CSMD1: variants seen among roughly 807,000 people sequenced by gnomAD.
The protein encoded by CSMD1 is CUB and Sushi multiple domains 1.
Under a neutral mutation model 417.5 loss-of-function variants are expected in CSMD1, and 213 were observed. That is an observed-to-expected ratio of 0.51 (90% CI 0.46 to 0.57). The LOEUF is 0.57. Ranked by LOEUF, CSMD1 falls within the 20% of genes least tolerant of loss-of-function variation. CSMD1 has a pLI of 0.00. For synonymous variants in CSMD1, 2,862 were observed against 1,736.8 expected, an observed-to-expected ratio of 1.65 and a Z score of -16.11; for missense variants, 6,923 against 4,529.7, an observed-to-expected ratio of 1.53 and a Z score of -15.17.
At chr8:3,311,927 T>G (rs1805383035) in intron 23 of CSMD1, among the ~76,000 whole-genome samples, 1 of 152,206 alleles carries the variant, frequency 6.6e-6, no homozygotes, top group African/African-American at 2.4e-5. Context: ...ATCCAGAATA[T>G]GCCTCTATGT....
intron 3 of CSMD1, among the ~76,000 whole-genome samples, chr8:4,168,869 G>C (rs565841753): frequency 6.6e-5 from 10 of 151,982 alleles, no homozygotes; most frequent in African/African-American, 2.4e-4. Flanking sequence ...CTTTAGACAC[G>C]GTGACTGATG....
chr8:2,985,311 G>C (rs144092703), intron 54 of CSMD1, among the ~76,000 whole-genome samples: 1 of 150,850 alleles, frequency 6.6e-6, no homozygotes. Flanking sequence ...ATTTCCACAT[G>C]TAAGTGAGGG....
chr8:4,727,407 C>G (rs1809532124), intron 1 of CSMD1, among the ~76,000 whole-genome samples: 5 of 152,140 alleles, frequency 3.3e-5, no homozygotes, highest in Admixed American at 2.0e-4. Context: ...TCCATAAGTG[C>G]ACTACCCATA....
Position 4,265,922 on chromosome 8 carries a change from T to C in CSMD1, c.415+154031A>G, listed in dbSNP as rs1307775095. On this transcript the variant is annotated intron_variant, in intron 3 of 69. Coordinates refer to ENST00000635120, the MANE Select transcript of CSMD1 (RefSeq NM_033225.6). The stretch of plus-strand genomic sequence containing the variant: ...CCAAAATAAAATGTGAAGAAATAGA[T>C]TTCCCCCCATTGCCCAGGAGACGGG... Among the ~76,000 whole-genome samples the C allele has an allele frequency of 2.4e-4, 25 of 104,022 alleles. 3 individuals carry two copies. The highest frequency in any genetic ancestry group is 6.3e-4 in the African/African-American group (24 of 38,164). 68.2% of individuals were successfully genotyped at this position (104,022 alleles called of 152,430 possible).
intron 11 of CSMD1, among the ~76,000 whole-genome samples, chr8:3,473,895 T>G (rs1585217125): frequency 6.6e-6 from 1 of 151,760 alleles, no homozygotes; most frequent in Admixed American, 6.6e-5. Context: ...TGGTAGAGGG[T>G]GAAAGGGAAG....
chr8:4,814,881 C>T (rs973876111), intron 1 of CSMD1, among the ~76,000 whole-genome samples: 3 of 152,120 alleles, frequency 2.0e-5, no homozygotes, highest in Admixed American at 2.0e-4. Context: ...TCATATTTCA[C>T]TGATAAAAAC....
At chr8:4,238,333 G>A (rs1311684193) in intron 3 of CSMD1, among the ~76,000 whole-genome samples, 1 of 152,198 alleles carries the variant, frequency 6.6e-6, no homozygotes, top group South Asian at 2.1e-4. Context: ...ATGTGCGCGA[G>A]GGTGGTCCTC....
intron 5 of CSMD1, among the ~76,000 whole-genome samples, chr8:3,995,545 G>C (rs1237898171): frequency 1.3e-5 from 2 of 152,200 alleles, no homozygotes; most frequent in African/African-American, 4.8e-5. Flanking sequence ...TGACTGAGGG[G>C]CTATACATAG....
intron 1 of CSMD1, among the ~76,000 whole-genome samples, chr8:4,944,020 A>G (rs78527809): frequency 2.1e-3 from 319 of 152,284 alleles, no homozygotes; most frequent in African/African-American, 7.2e-3. Flanking sequence ...AAGACTTGGG[A>G]ATCAAAATAA....
At chr8:4,213,952 A>T (rs770040015) in intron 3 of CSMD1, among the ~76,000 whole-genome samples, 3 of 152,242 alleles carry the variant, frequency 2.0e-5, no homozygotes, top group Non-Finnish European at 4.4e-5. Flanking sequence ...CTATGTAACC[A>T]CAGTGCATTT....
At chr8:4,892,689 T>C (rs995644691) in intron 1 of CSMD1, among the ~76,000 whole-genome samples, 3 of 152,088 alleles carry the variant, frequency 2.0e-5, no homozygotes, top group Non-Finnish European at 4.4e-5. Context: ...ATTCATATAG[T>C]CTTTTTGTAC....
Position 4,925,413 on chromosome 8 carries a change from A to AAT in CSMD1, c.85+68917_85+68918dup, listed in dbSNP as rs1806789823. On this transcript the variant is annotated intron_variant, in intron 1 of 69. Coordinates refer to ENST00000635120, the MANE Select transcript of CSMD1 (RefSeq NM_033225.6). Reference sequence around the variant, plus strand: ...CATGGCATTTTGTAAAACAATCTAAAATATACCTTTCCTACAGAACTTACT... The same window carrying AAT: ...CATGGCATTTTGTAAAACAATCTAAAATATATACCTTTCCTACAGAACTTACT... Among the ~76,000 whole-genome samples, 4 of 151,958 alleles carry AAT rather than the reference A, an allele frequency of 2.6e-5. No homozygotes were observed. The South Asian group carries it at 8.3e-4, about 32-fold the overall frequency.
intron 5 of CSMD1, among the ~76,000 whole-genome samples, chr8:3,914,220 G>A (rs1453338986): frequency 6.6e-6 from 1 of 152,090 alleles, no homozygotes; most frequent in Non-Finnish European, 1.5e-5. Context: ...TTGAGCACCT[G>A]CAAAAGGGCT....
intron 52 of CSMD1, among the ~76,000 whole-genome samples, chr8:3,003,712 G>A (rs749652928): frequency 1.5e-4 from 23 of 152,244 alleles, no homozygotes; most frequent in Non-Finnish European, 2.2e-4. Flanking sequence ...GAGGGTGTGC[G>A]GACCTAGCAG....
intron 1 of CSMD1, among the ~76,000 whole-genome samples, chr8:4,870,296 G>A (rs1442799311): frequency 6.6e-6 from 1 of 152,034 alleles, no homozygotes. Flanking sequence ...GTAAAAATTG[G>A]AACAGAAAGA....
At chr8:3,280,991 A>G (rs1283898478) in intron 26 of CSMD1, among the ~76,000 whole-genome samples, 5 of 152,230 alleles carry the variant, frequency 3.3e-5, no homozygotes, top group African/African-American at 1.2e-4. Flanking sequence ...AAAATGAAGT[A>G]CATTCTTTCC....
At position 4,057,589 on chromosome 8, in the gene CSMD1, T is replaced by C. The variant is rs994678040; in HGVS notation, c.416-25490A>G. Among the ~76,000 whole-genome samples, 4 of 152,112 alleles carry C rather than the reference T, an allele frequency of 2.6e-5. No homozygotes were observed. The East Asian group carries it at 5.9e-4, about 22-fold the overall frequency. Reference sequence around the variant, plus strand: ...TTTGTTGCCATTGCTTTTGGTGTTATAGACATGAAGTCCTTGCCCATGCCT... The same window carrying C: ...TTTGTTGCCATTGCTTTTGGTGTTACAGACATGAAGTCCTTGCCCATGCCT... On this transcript the variant is annotated intron_variant, in intron 3 of 69. Coordinates refer to ENST00000635120, the MANE Select transcript of CSMD1 (RefSeq NM_033225.6).
chr8:4,869,990 A>T (rs1802641468), intron 1 of CSMD1, among the ~76,000 whole-genome samples: 1 of 152,132 alleles, frequency 6.6e-6, no homozygotes, highest in Non-Finnish European at 1.5e-5. Flanking sequence ...AATTGAAAAT[A>T]ATGCATAACA....
intron 26 of CSMD1, among the ~76,000 whole-genome samples, chr8:3,256,259 A>G (rs1248855423): frequency 2.0e-5 from 3 of 146,726 alleles, no homozygotes; most frequent in African/African-American, 7.5e-5. Flanking sequence ...CCTGGGAGGC[A>G]GAGGTTTCAG....
Sources: gnomAD v4.1 joint callset for allele counts (sites outside exome capture counted in the v4.1 genomes callset) on GRCh38, gnomAD v4.1.1 for gene constraint, MANE v1.5 for transcripts, NCBI Gene and HGNC (gene_info 2026-07-23, HGNC 2026-07-21) for gene names.